THAP8: variants seen among roughly 807,000 people sequenced by gnomAD.
THAP8 encodes the protein THAP domain-containing protein 8.
Under a neutral mutation model 25.0 loss-of-function variants are expected in THAP8, and 24 were observed. The ratio of observed to expected loss-of-function variants is 0.96; its 90% CI spans 0.69 to 1.35. The LOEUF is 1.35. Among genes scored for constraint, THAP8 ranks in the 40% most tolerant of loss-of-function variants. THAP8 has a pLI of 0.00. For synonymous variants in THAP8, 169 were observed against 157.6 expected (o/e 1.07, Z -0.54); for missense variants, 399 against 368.8 (o/e 1.08, Z -0.67).
rs146907955 is a variant in THAP8 at position 36,040,012 on chromosome 19, G to A, written c.208C>T (p.Arg70Cys). 972 of 1,613,820 alleles carry A rather than the reference G, an allele frequency of 6.0e-4. 1 individual carries two copies. The highest frequency in any genetic ancestry group is 7.5e-4 in the Non-Finnish European group (888 of 1,179,966). ...GGCCGCAGGTAGCGCACACCCCAGC[G>A]CCACTGGAAGCAGGAGGGTGTGAAG... Reference protein sequence around the residue: ...EHFTPSCFQWRWGVRYLRPDA... With the variant: ...EHFTPSCFQWCWGVRYLRPDA... Residue 70 changes from arginine (R) to cysteine (C), a missense_variant, in exon 2 of 4, where the codon CGC (arginine) becomes TGC (cysteine). Arg to Cys is a radical substitution (Grantham distance 180). Transcript: ENST00000292894.
intron 1 of THAP8, among the ~76,000 whole-genome samples, chr19:36,041,917 C>T (rs567584420): frequency 5.9e-5 from 9 of 152,006 alleles, no homozygotes; most frequent in East Asian, 3.9e-4. Context: ...CTTGTCTCTA[C>T]GAAAAAATAT....
chr19:36,043,903 T>C (rs1969788701), intron 1 of THAP8, among the ~76,000 whole-genome samples: 1 of 152,058 alleles, frequency 6.6e-6, no homozygotes, highest in Non-Finnish European at 1.5e-5. Context: ...AAAATTTTTT[T>C]TGTTTTAAGT....
chr19:36,042,708 T>C (rs943638099), intron 1 of THAP8, among the ~76,000 whole-genome samples: 4 of 152,294 alleles, frequency 2.6e-5, no homozygotes, highest in East Asian at 1.9e-4. Flanking sequence ...TATCAACAGA[T>C]ACATGGATAA....
chr19:36,050,641 G>T (rs142991117), intron 1 of THAP8, among the ~76,000 whole-genome samples: 2 of 152,184 alleles, frequency 1.3e-5, no homozygotes, highest in East Asian at 3.9e-4. Context: ...CACGTACTCA[G>T]TTCCTCAATG....
chr19:36,049,643 G>A (rs1949443194), intron 1 of THAP8, among the ~76,000 whole-genome samples: 1 of 150,302 alleles, frequency 6.7e-6, no homozygotes, highest in African/African-American at 2.5e-5. Context: ...ACAGTCATCT[G>A]GCTGCTATAT....
intron 3 of THAP8, among the ~76,000 whole-genome samples, chr19:36,037,172 C>G (rs1184072361): frequency 6.6e-6 from 1 of 151,324 alleles, no homozygotes; most frequent in Non-Finnish European, 1.5e-5. Flanking sequence ...AGAGACATAA[C>G]ACCATTCCTC....
At chr19:36,043,987 C>T (rs984078049) in intron 1 of THAP8, among the ~76,000 whole-genome samples, 1 of 152,198 alleles carries the variant, frequency 6.6e-6, no homozygotes, top group Non-Finnish European at 1.5e-5. Context: ...ATGTGCCCCA[C>T]TTCTCCGGTT....
chr19:36,054,588 C>T (rs1970236976), upstream of THAP8: 6 of 540,986 alleles, frequency 1.1e-5, no homozygotes, highest in Non-Finnish European at 1.3e-5. Flanking sequence ...CGCCTACATC[C>T]GGGCAACCGT....
intron 1 of THAP8, 113 bp from the exon 2 acceptor site, chr19:36,040,249 A>ACTTCCTAGCCCTAG: frequency 3.6e-6 from 4 of 1,121,980 alleles, no homozygotes; most frequent in Non-Finnish European, 3.7e-6. Context: ...CCCTAGGGCT[A>ACTTCCTAGCCCTAG]GGAAGTAGAC....
chr19:36,037,343 TACAC>T (rs58349186), intron 3 of THAP8, among the ~76,000 whole-genome samples: 3,192 of 114,732 alleles, frequency 0.028, 87 homozygotes, highest in African/African-American at 0.059. Flanking sequence ...ATTCCTCCCC[TACAC>T]ACACACACAC....
intron 1 of THAP8, among the ~76,000 whole-genome samples, chr19:36,046,328 C>A (rs1380789725): frequency 6.6e-6 from 1 of 152,214 alleles, no homozygotes; most frequent in African/African-American, 2.4e-5. Flanking sequence ...GTCCATTAAA[C>A]CTCTTTCCTT....
intron 1 of THAP8, among the ~76,000 whole-genome samples, chr19:36,041,553 T>C (rs1969693923): frequency 1.3e-5 from 2 of 152,154 alleles, no homozygotes; most frequent in South Asian, 2.1e-4. Context: ...CTACTTTTTG[T>C]GTATGCTTGA....
rs7257806 is a variant in THAP8, at chr19:36,046,282, G to C, written c.84-6146C>G. Among the ~76,000 whole-genome samples the C allele has an allele frequency of 8.8e-3, 1,340 of 152,240 alleles. 19 individuals are homozygous for C. The highest frequency in any genetic ancestry group is 0.03 in the African/African-American group (1,245 of 41,532). ...CCTTCGCCTTGCACCATGATTGTAA[G>C]TTTCCTGAGGCCTCCCCAGCCATTC... On this transcript the variant is annotated intron_variant, in intron 1 of 3. Coordinates refer to ENST00000292894, the MANE Select transcript of THAP8 (RefSeq NM_152658.3).
rs1437228285 is a variant in THAP8 at position 36,035,130 on chromosome 19, C to T, written c.*310G>A. 2 of 276,014 alleles carry T rather than the reference C, an allele frequency of 7.2e-6. No homozygotes were observed. The highest frequency in any genetic ancestry group is 6.8e-6 in the Non-Finnish European group (1 of 146,720). The allele number at this position is 276,014 out of a possible 1,614,324, so 17.1% of individuals were successfully genotyped here. ...AGGCTTGGCAAAAAGCGTGGGACTC[C>T]TTAGAACCAGGTATGATTCTCCCAA... On this transcript the variant is annotated 3_prime_UTR_variant, in exon 4 of 4. Transcript: ENST00000292894.
intron 3 of THAP8, among the ~76,000 whole-genome samples, chr19:36,037,343 T>TACACAC (rs58349186): frequency 0.036 from 4,160 of 114,670 alleles, 120 homozygotes; most frequent in East Asian, 0.13. Flanking sequence ...ATTCCTCCCC[T>TACACAC]ACACACACAC....
chr19:36,048,351 A>T (rs1055955341), intron 1 of THAP8, among the ~76,000 whole-genome samples: 4 of 151,484 alleles, frequency 2.6e-5, no homozygotes, highest in Non-Finnish European at 4.4e-5. Flanking sequence ...CCTGGGCAAC[A>T]TAGTGGGACT....
intron 1 of THAP8, among the ~76,000 whole-genome samples, chr19:36,049,364 C>CAAAA (rs1284983821): frequency 7.1e-6 from 1 of 141,834 alleles, no homozygotes; most frequent in Non-Finnish European, 1.6e-5. Context: ...GATCATGTTT[C>CAAAA]AAAAAAAAAA....
chr19:36,048,704 C>G (rs59068793), intron 1 of THAP8, among the ~76,000 whole-genome samples: 1 of 151,460 alleles, frequency 6.6e-6, no homozygotes, highest in South Asian at 2.1e-4. Context: ...AAAAATTTGC[C>G]TGACAAGGTG....
chr19:36,043,188 A>G (rs377379473), intron 1 of THAP8, among the ~76,000 whole-genome samples: 2 of 152,160 alleles, frequency 1.3e-5, no homozygotes, highest in South Asian at 2.1e-4. Flanking sequence ...TCGGCCTCCC[A>G]AAGTGCTGGG....
Sources: gnomAD v4.1 joint callset for allele counts (sites outside exome capture counted in the v4.1 genomes callset) on GRCh38, gnomAD v4.1.1 for gene constraint, MANE v1.5 for transcripts, NCBI Gene and HGNC (gene_info 2026-07-23, HGNC 2026-07-21) for gene names.